Variants in KDM6A observed in about 807,000 individuals in gnomAD.
The protein encoded by KDM6A is lysine-specific demethylase 6A.
A neutral mutation model predicts 117.6 loss-of-function variants in KDM6A; 11 were observed. The ratio of observed to expected loss-of-function variants is 0.09; its 90% CI spans 0.06 to 0.15. The LOEUF is 0.15. Among genes scored for constraint, KDM6A ranks in the 10% least tolerant of loss-of-function variants. KDM6A has a pLI of 1.00. For missense variants in KDM6A, 799 were observed against 1,077.3 expected, an observed-to-expected ratio of 0.74 and a Z score of 3.62; for synonymous variants, 384 against 396.1, an observed-to-expected ratio of 0.97 and a Z score of 0.36.
At chrX:44,916,003 C>G (rs1427750337) in intron 2 of KDM6A, among the ~76,000 whole-genome samples, 1 of 111,233 alleles carries the variant, frequency 9.0e-6, no homozygotes, top group Non-Finnish European at 1.9e-5. Flanking sequence ...AGAGAAAGAC[C>G]ACATTGACAT....
intron 5 of KDM6A, among the ~76,000 whole-genome samples, chrX:45,018,211 A>C (rs1048506381): frequency 4.1e-4 from 46 of 111,401 alleles, no homozygotes; most frequent in African/African-American, 1.5e-3. Flanking sequence ...AAAGTCCTTA[A>C]GGAGACTATT....
chrX:45,088,663 A>T (rs1277867744), intron 25 of KDM6A, among the ~76,000 whole-genome samples: 3 of 113,666 alleles, frequency 2.6e-5, no homozygotes, highest in Admixed American at 9.2e-5. Flanking sequence ...GATCTTAAGG[A>T]AAGGAACATT....
intron 6 of KDM6A, among the ~76,000 whole-genome samples, chrX:45,029,641 A>G (rs1402437436): frequency 1.8e-5 from 2 of 109,940 alleles, no homozygotes; most frequent in East Asian, 5.7e-4. Flanking sequence ...TTTTAAAAGG[A>G]TATTCTACAG....
At chrX:45,097,584 TATA>T (rs1169377702) in intron 27 of KDM6A, among the ~76,000 whole-genome samples, 1 of 111,436 alleles carries the variant, frequency 9.0e-6, no homozygotes, top group Non-Finnish European at 1.9e-5. Context: ...TTTGTGGGAT[TATA>T]ATAAGGGATT....
At chrX:44,933,049 G>A (rs1470913988) in intron 2 of KDM6A, among the ~76,000 whole-genome samples, 6 of 107,120 alleles carry the variant, frequency 5.6e-5, no homozygotes, top group Non-Finnish European at 9.6e-5. Flanking sequence ...CACCACGTCC[G>A]GCTAATTTTT....
intron 2 of KDM6A, among the ~76,000 whole-genome samples, chrX:44,922,120 G>A (rs1363050751): frequency 1.2e-5 from 1 of 86,357 alleles, no homozygotes; most frequent in Non-Finnish European, 2.1e-5. Flanking sequence ...TTGGCTCACT[G>A]CAGCCTCTGC....
Position 45,051,731 on chromosome X carries a change from A to C in KDM6A, c.677A>C (p.Glu226Ala). ...TAGAGGAAATATCATTCTGCAAAAGAAGCTTATGAACAACTTTTGCAGACA... is the reference window on the plus strand; with the variant it reads ...TAGAGGAAATATCATTCTGCAAAAGCAGCTTATGAACAACTTTTGCAGACA... The part of the protein sequence containing the change: ...ETQRKYHSAK[E>A]AYEQLLQTEN... The change falls in exon 9 of 30, where the codon GAA (glutamate) becomes GCA (alanine). Residue 226 changes from glutamate (E) to alanine (A), a missense_variant. By Grantham distance (107) the Glu-to-Ala change is moderately radical. Transcript: ENST00000611820. 8.5e-7 allele frequency: 1 copy of C among 1,179,972 alleles called. No homozygotes were observed. The highest frequency in any genetic ancestry group is 1.1e-6 in the Non-Finnish European group (1 of 869,602).
chrX:44,873,282 C>A lies in KDM6A; in HGVS notation c.-270C>A. 2.8e-6 allele frequency: 1 copy of A among 358,893 alleles called. No homozygotes were observed. Among genetic ancestry groups the A allele is most frequent in the South Asian group, 5.3e-5 (1 of 18,878 alleles). The allele number at this position is 358,893 out of a possible 1,213,427, so 29.6% of individuals were successfully genotyped here. On this transcript the variant is annotated 5_prime_UTR_variant, in exon 1 of 30. Transcript: ENST00000611820. ...GCGCGCTCCGGCCGTTCCCGCCGTC[C>A]CCGCCTGTGGCTGCCCCCTGCCCAA...
intron 7 of KDM6A, 124 bp from the exon 8 acceptor site, chrX:45,037,531 T>C: frequency 1.9e-6 from 1 of 513,125 alleles, no homozygotes; most frequent in Non-Finnish European, 3.3e-6. Flanking sequence ...GTTATGTTTT[T>C]CTATTACTTA....
At chrX:44,880,244 CCTT>C (rs1166863438) in intron 2 of KDM6A, among the ~76,000 whole-genome samples, 9 of 106,961 alleles carry the variant, frequency 8.4e-5, no homozygotes, top group East Asian at 2.9e-4. Flanking sequence ...TGTGTTCTGT[CCTT>C]CTTTGATTTC....
intron 2 of KDM6A, among the ~76,000 whole-genome samples, chrX:44,952,008 A>G (rs2038035364): frequency 8.9e-6 from 1 of 112,289 alleles, no homozygotes; most frequent in South Asian, 3.6e-4. Flanking sequence ...CAAGAGCTCA[A>G]GTATTAGCTA....
intron 4 of KDM6A, among the ~76,000 whole-genome samples, chrX:45,001,700 G>C (rs1795458234): frequency 8.9e-6 from 1 of 111,751 alleles, no homozygotes; most frequent in Non-Finnish European, 1.9e-5. Flanking sequence ...TAATAGAATA[G>C]ATGAAAGAGA....
Position 44,924,953 on chromosome X carries a change from T to C in KDM6A, c.226-36331T>C, listed in dbSNP as rs1434714798. Among the ~76,000 whole-genome samples the C allele has an allele frequency of 6.3e-5, 7 of 111,701 alleles. No homozygotes were observed. In the East Asian group the frequency reaches 2.0e-3, roughly 32 times the overall value. ...ATCCTCCTGCCTTGGCCTCCCAAAG[T>C]GTTAGGATTACAGGCGTGAGCCACT... On this transcript the variant is annotated intron_variant, in intron 2 of 29. Coordinates refer to ENST00000611820, the MANE Select transcript of KDM6A (RefSeq NM_001291415.2).
intron 28 of KDM6A, among the ~76,000 whole-genome samples, chrX:45,109,097 T>A (rs1402505434): frequency 9.7e-6 from 1 of 103,548 alleles, no homozygotes; most frequent in East Asian, 3.0e-4. Flanking sequence ...TGTGCACATG[T>A]ACCCTAAAAC....
chrX:45,032,619 T>C (rs2042645932), intron 6 of KDM6A, among the ~76,000 whole-genome samples: 1 of 111,558 alleles, frequency 9.0e-6, no homozygotes, highest in African/African-American at 3.3e-5. Flanking sequence ...GCCGGCTAAT[T>C]TTTGTATTTT....
chrX:44,948,038 A>G (rs2037761061), intron 2 of KDM6A, among the ~76,000 whole-genome samples: 1 of 111,726 alleles, frequency 9.0e-6, no homozygotes, highest in African/African-American at 3.3e-5. Flanking sequence ...TAAGAACTTA[A>G]GAACTTTGTG....
At chrX:44,881,441 AAAC>A (rs983934017) in intron 2 of KDM6A, among the ~76,000 whole-genome samples, 1 of 111,810 alleles carries the variant, frequency 8.9e-6, no homozygotes, top group African/African-American at 3.2e-5. Context: ...CAAAAACAAA[AAAC>A]AACAAAAAAA....
intron 18 of KDM6A, among the ~76,000 whole-genome samples, chrX:45,073,968 G>A (rs1352207764): frequency 8.9e-6 from 1 of 111,769 alleles, no homozygotes; most frequent in African/African-American, 3.3e-5. Flanking sequence ...GTCGTGAATG[G>A]TATTGCCTAG....
chrX:44,993,814 T>C (rs6520995), intron 4 of KDM6A, among the ~76,000 whole-genome samples: 24,040 of 110,185 alleles, frequency 0.22, 4,361 homozygotes, highest in African/African-American at 0.61. Context: ...TTCAGTGAGC[T>C]GAGATCACGC....
Sources: allele counts gnomAD v4.1 joint callset (sites outside exome capture counted in the v4.1 genomes callset), GRCh38; gene constraint gnomAD v4.1.1; transcripts MANE v1.5; gene names NCBI Gene and HGNC (gene_info 2026-07-23, HGNC 2026-07-21).